The following SESN1 variants were observed in gnomAD, a reference collection of about 807,000 sequenced individuals.
The protein encoded by SESN1 is sestrin-1.
A neutral mutation model predicts 59.3 loss-of-function variants in SESN1; 30 were observed. The ratio of observed to expected loss-of-function variants is 0.51; its 90% CI spans 0.38 to 0.69. The LOEUF (loss-of-function observed/expected upper bound fraction) is 0.69. SESN1 is among the 30% of genes least tolerant of loss of function. SESN1 has a pLI of 0.00. For synonymous variants in SESN1, 197 were observed against 219.9 expected (o/e 0.90, Z 0.92); for missense variants, 566 against 673.0 (o/e 0.84, Z 1.76).
At chr6:109,027,933 G>A (rs1435639806) in intron 1 of SESN1, among the ~76,000 whole-genome samples, 1 of 151,906 alleles carries the variant, frequency 6.6e-6, no homozygotes, top group Non-Finnish European at 1.5e-5. Context: ...TTATTTTCTT[G>A]TGCTGTGTTC....
At chr6:109,004,833 T>C (rs933493857) in intron 1 of SESN1, among the ~76,000 whole-genome samples, 1 of 152,150 alleles carries the variant, frequency 6.6e-6, no homozygotes, top group African/African-American at 2.4e-5. Flanking sequence ...TTAACTATGC[T>C]GAGATACTGT....
chr6:109,083,771 T>A (rs753796400), intron 1 of SESN1, among the ~76,000 whole-genome samples: 1 of 152,240 alleles, frequency 6.6e-6, no homozygotes, highest in African/African-American at 2.4e-5. Flanking sequence ...TTCGGTACCA[T>A]TGAACATATC....
At chr6:108,996,048 A>G (rs1172422068) in intron 5 of SESN1, among the ~76,000 whole-genome samples, 1 of 152,164 alleles carries the variant, frequency 6.6e-6, no homozygotes, top group Admixed American at 6.5e-5. Flanking sequence ...TACTCGCATG[A>G]TATTGATTTA....
chr6:109,055,556 G>A (rs897372575), intron 1 of SESN1, among the ~76,000 whole-genome samples: 58 of 151,540 alleles, frequency 3.8e-4, no homozygotes, highest in African/African-American at 1.2e-3. Context: ...CCAGCTACTC[G>A]GGAGGCTGAG....
chr6:109,056,020 T>A (rs1780627961), intron 1 of SESN1, among the ~76,000 whole-genome samples: 1 of 152,236 alleles, frequency 6.6e-6, no homozygotes, highest in African/African-American at 2.4e-5. Flanking sequence ...ACAAACTACT[T>A]ATGATTCACA....
chr6:109,004,197 G>A (rs1303697301), intron 1 of SESN1, among the ~76,000 whole-genome samples: 1 of 151,934 alleles, frequency 6.6e-6, no homozygotes, highest in Non-Finnish European at 1.5e-5. Context: ...AAACATTATA[G>A]TACTAGAAGA....
rs1416086806 is a variant in SESN1 at position 109,007,779 on chromosome 6, C to T, written c.280-5436G>A. On this transcript the variant is annotated intron_variant, in intron 1 of 9. Coordinates refer to ENST00000436639, the MANE Select transcript of SESN1 (RefSeq NM_014454.3). ...AGGTAATTCAGAAATACTGAAAGTC[C>T]AGGTACTTTTTTTTTTTTTTTTTTT... Among the ~76,000 whole-genome samples, 4 of 139,882 alleles carry T rather than the reference C, an allele frequency of 2.9e-5. No homozygotes were observed. The South Asian group carries it at 9.2e-4, about 32-fold the overall frequency. 91.8% of individuals were successfully genotyped at this position (139,882 alleles called of 152,430 possible).
intron 1 of SESN1, among the ~76,000 whole-genome samples, chr6:109,071,559 T>C (rs1257490624): frequency 6.6e-6 from 1 of 152,126 alleles, no homozygotes; most frequent in African/African-American, 2.4e-5. Flanking sequence ...GTATTTCCTG[T>C]TCATGTTACA....
At chr6:109,038,451 C>A (rs1195806074) in intron 1 of SESN1, among the ~76,000 whole-genome samples, 2 of 152,122 alleles carry the variant, frequency 1.3e-5, no homozygotes, top group African/African-American at 4.8e-5. Flanking sequence ...GAGCTGAGAT[C>A]GTGCCACTGC....
chr6:109,087,071 C>T (rs1272814294), intron 1 of SESN1, among the ~76,000 whole-genome samples: 1 of 152,122 alleles, frequency 6.6e-6, no homozygotes, highest in East Asian at 1.9e-4. Flanking sequence ...GCAGAGGTTG[C>T]AGTGAGCCAA....
At chr6:109,085,590 C>A (rs1483196993) in intron 1 of SESN1, among the ~76,000 whole-genome samples, 2 of 152,030 alleles carry the variant, frequency 1.3e-5, no homozygotes, top group African/African-American at 4.8e-5. Context: ...AATCTGATTT[C>A]CTGAGTATAT....
intron 1 of SESN1, among the ~76,000 whole-genome samples, chr6:109,055,679 AAAAG>A (rs1371518865): frequency 2.0e-5 from 3 of 151,006 alleles, no homozygotes; most frequent in Admixed American, 6.6e-5. Context: ...AAAAAAAAAA[AAAAG>A]AAAGAAAGAA....
chr6:109,092,908 C>A (rs899973600), intron 1 of SESN1, among the ~76,000 whole-genome samples: 1 of 152,136 alleles, frequency 6.6e-6, no homozygotes, highest in Non-Finnish European at 1.5e-5. Flanking sequence ...TAAAAACTGT[C>A]ACTTTTAACT....
chr6:109,004,873 A>G (rs1247755114), intron 1 of SESN1, among the ~76,000 whole-genome samples: 2 of 152,250 alleles, frequency 1.3e-5, no homozygotes, highest in African/African-American at 4.8e-5. Context: ...TTAAGATCAA[A>G]AAGTTTGATC....
intron 1 of SESN1, among the ~76,000 whole-genome samples, chr6:109,032,577 C>T (rs557193751): frequency 6.7e-6 from 1 of 149,698 alleles, no homozygotes; most frequent in African/African-American, 2.5e-5. Flanking sequence ...GAGATTGGGC[C>T]ATTGCACTCT....
intron 6 of SESN1, 31 bp downstream of exon 6, chr6:108,994,431 A>C (rs1430791720): frequency 3.2e-6 from 5 of 1,553,082 alleles, no homozygotes; most frequent in Non-Finnish European, 4.4e-6. Flanking sequence ...GTTTGCAATA[A>C]TTATATTGAC....
intron 1 of SESN1, among the ~76,000 whole-genome samples, chr6:109,043,027 A>G (rs1780366228): frequency 6.6e-6 from 1 of 152,164 alleles, no homozygotes; most frequent in African/African-American, 2.4e-5. Context: ...CCAGGAATGC[A>G]TGGCTGGTTC....
rs1781393666 is a variant in SESN1 at position 109,093,820 on chromosome 6, CTT to C, written c.252_253del (p.Ser85Ter). 2 of 1,614,042 alleles carry C rather than the reference CTT, an allele frequency of 1.2e-6. No individual in the cohort carries two copies. The highest frequency in any genetic ancestry group is 1.7e-6 in the Non-Finnish European group (2 of 1,179,936). On this transcript the variant is annotated frameshift_variant, in exon 1 of 10. Coordinates refer to ENST00000436639, the MANE Select transcript of SESN1 (RefSeq NM_014454.3). LOFTEE classifies it high-confidence loss of function. ...CTGGATGCTCTTCAGAATAAACTCACTTTTCTCTCTCACATCTTTGAAGGGAC... is the reference window on the plus strand; with the variant it reads ...CTGGATGCTCTTCAGAATAAACTCACTTCTCTCTCACATCTTTGAAGGGAC...
chr6:109,015,976 G>A (rs1202212566), intron 1 of SESN1, among the ~76,000 whole-genome samples: 3 of 152,114 alleles, frequency 2.0e-5, no homozygotes, highest in East Asian at 3.8e-4. Flanking sequence ...TTTTAAATAC[G>A]AGGAATTAGC....
Sources: allele counts gnomAD v4.1 joint callset (sites outside exome capture counted in the v4.1 genomes callset), GRCh38; gene constraint gnomAD v4.1.1; transcripts MANE v1.5; gene names NCBI Gene and HGNC (gene_info 2026-07-23, HGNC 2026-07-21).